Variants in CARMIL1 observed in about 807,000 individuals in gnomAD.
CARMIL1 encodes the protein capping protein regulator and myosin 1 linker 1.
Under a neutral mutation model 177.1 loss-of-function variants are expected in CARMIL1, and 90 were observed. The observed-to-expected ratio is 0.51, with a 90% CI of 0.43 to 0.61. CARMIL1 has a LOEUF of 0.61. CARMIL1 is among the 20% of genes least tolerant of loss of function. CARMIL1 has a pLI of 0.00. For synonymous variants in CARMIL1, 577 were observed against 606.2 expected, an observed-to-expected ratio of 0.95 and a Z score of 0.71; for missense variants, 1,380 against 1,667.0, an observed-to-expected ratio of 0.83 and a Z score of 3.00.
intron 2 of CARMIL1, among the ~76,000 whole-genome samples, chr6:25,287,210 G>T (rs1781580458): frequency 6.6e-6 from 1 of 152,156 alleles, no homozygotes; most frequent in African/African-American, 2.4e-5. Context: ...AAATGAGTTG[G>T]CTGAATATCT....
chr6:25,299,896 TG>T (rs897738464), intron 2 of CARMIL1, among the ~76,000 whole-genome samples: 2 of 150,860 alleles, frequency 1.3e-5, no homozygotes, highest in African/African-American at 4.9e-5. Flanking sequence ...GAGAATTGCT[TG>T]AAACTGGGAG....
intron 2 of CARMIL1, among the ~76,000 whole-genome samples, chr6:25,378,384 TG>T (rs1468018185): frequency 3.3e-5 from 5 of 152,232 alleles, no homozygotes; most frequent in African/African-American, 1.2e-4. Context: ...TGCTCTCTTA[TG>T]GCTGCAGCAC....
intron 29 of CARMIL1, among the ~76,000 whole-genome samples, chr6:25,570,692 G>T (rs1811997581): frequency 6.6e-6 from 1 of 152,170 alleles, no homozygotes; most frequent in African/African-American, 2.4e-5. Flanking sequence ...AAGTGTTTTT[G>T]TTTTAACATC....
intron 17 of CARMIL1, among the ~76,000 whole-genome samples, chr6:25,505,992 T>C (rs1196199496): frequency 5.9e-5 from 9 of 152,184 alleles, no homozygotes; most frequent in Non-Finnish European, 1.3e-4. Context: ...CTACAGTTTA[T>C]TGCAATTCAT....
chr6:25,487,968 C>T (rs1403195472), intron 12 of CARMIL1, among the ~76,000 whole-genome samples: 5 of 152,176 alleles, frequency 3.3e-5, no homozygotes, highest in African/African-American at 1.2e-4. Context: ...CAGATCATCT[C>T]CTCATTCTTT....
chr6:25,332,070 C>T (rs1785678020), intron 2 of CARMIL1, among the ~76,000 whole-genome samples: 1 of 151,928 alleles, frequency 6.6e-6, no homozygotes, highest in Non-Finnish European at 1.5e-5. Context: ...ACTCTGTTGC[C>T]CAGGCTGGCC....
chr6:25,340,622 T>C (rs552102689), intron 2 of CARMIL1, among the ~76,000 whole-genome samples: 1 of 152,176 alleles, frequency 6.6e-6, no homozygotes, highest in East Asian at 1.9e-4. Flanking sequence ...CTTTGAGATA[T>C]ATGCTGTTGG....
At chr6:25,485,060 AT>A (rs1444256434) in intron 12 of CARMIL1, among the ~76,000 whole-genome samples, 6 of 152,160 alleles carry the variant, frequency 3.9e-5, no homozygotes, top group African/African-American at 7.2e-5. Context: ...AAACAAAAAA[AT>A]GATTATATTA....
chr6:25,355,728 T>C (rs949975461), intron 2 of CARMIL1, among the ~76,000 whole-genome samples: 1 of 152,206 alleles, frequency 6.6e-6, no homozygotes, highest in African/African-American at 2.4e-5. Context: ...AATAAATGCC[T>C]GAGAGCTGTT....
At chr6:25,594,107 C>A (rs929127076) in intron 31 of CARMIL1, among the ~76,000 whole-genome samples, 2 of 152,168 alleles carry the variant, frequency 1.3e-5, no homozygotes, top group South Asian at 2.1e-4. Context: ...CCTTACCACA[C>A]GCCTGCAGTG....
At position 25,510,564 on chromosome 6, in the gene CARMIL1, A is replaced by G. The variant is rs764528822; in HGVS notation, c.1535A>G (p.Gln512Arg). The G allele has an allele frequency of 2.8e-5, 43 of 1,557,834 alleles. No homozygotes were observed. The highest frequency in any genetic ancestry group is 3.8e-5 in the Admixed American group (2 of 51,980). The change falls in exon 19 of 37, where the codon CAA becomes CGA. Residue 512 changes from glutamine (Q) to arginine (R), a missense_variant. Transcript: ENST00000329474. ...TGGCTCAGTAAAAACAGATCAATACAACACCTGGCGTTAGGCAAAAATTTT... is the reference window on the plus strand; with the variant it reads ...TGGCTCAGTAAAAACAGATCAATACGACACCTGGCGTTAGGCAAAAATTTT... ...IVWLSKNRSI[Q>R]HLALGKNFNN...
chr6:25,362,337 C>T (rs1789297310), intron 2 of CARMIL1, among the ~76,000 whole-genome samples: 1 of 152,228 alleles, frequency 6.6e-6, no homozygotes, highest in South Asian at 2.1e-4. Context: ...TTTATTGAAT[C>T]CAATTCAGCA....
chr6:25,581,163 T>G lies in CARMIL1; in HGVS notation c.2810-80T>G. The G allele has an allele frequency of 1.3e-5, 19 of 1,410,532 alleles. No individual in the cohort carries two copies. The South Asian group carries it at 2.5e-4, about 18-fold the overall frequency. The allele number at this position is 1,410,532 out of a possible 1,614,324, so 87.4% of individuals were successfully genotyped here. On this transcript the variant is annotated intron_variant, in intron 30 of 36. Transcript: ENST00000329474. ...TATTCTATGCTAGACTTAAAATTACTTTTAGGAATTTTTTATCCATCTCTA... is the reference window on the plus strand; with the variant it reads ...TATTCTATGCTAGACTTAAAATTACGTTTAGGAATTTTTTATCCATCTCTA...
At chr6:25,315,068 T>G (rs1784162165) in intron 2 of CARMIL1, among the ~76,000 whole-genome samples, 1 of 152,226 alleles carries the variant, frequency 6.6e-6, no homozygotes, top group Non-Finnish European at 1.5e-5. Context: ...ATCCTCACAG[T>G]AACTGTGTGA....
At chr6:25,441,858 A>G (rs1373573959) in intron 5 of CARMIL1, among the ~76,000 whole-genome samples, 2 of 151,090 alleles carry the variant, frequency 1.3e-5, no homozygotes, top group Non-Finnish European at 1.5e-5. Context: ...CTTTTCTACT[A>G]TCAAGAACCT....
chr6:25,328,346 C>T (rs577274838), intron 2 of CARMIL1, among the ~76,000 whole-genome samples: 5 of 147,962 alleles, frequency 3.4e-5, no homozygotes, highest in Non-Finnish European at 7.4e-5. Flanking sequence ...CAGGAAGACT[C>T]TGTACATGCT....
chr6:25,338,094 C>T (rs2690081), intron 2 of CARMIL1, among the ~76,000 whole-genome samples: 64,947 of 151,564 alleles, frequency 0.43, 14,126 homozygotes, highest in African/African-American at 0.51. Context: ...CCGTCTCTAC[C>T]GAAAATACAA....
intron 17 of CARMIL1, among the ~76,000 whole-genome samples, chr6:25,508,742 T>C (rs1041491729): frequency 3.3e-5 from 5 of 151,452 alleles, no homozygotes; most frequent in Non-Finnish European, 7.4e-5. Context: ...TGGTTTATAG[T>C]AGGTTTCCAA....
At chr6:25,519,829 G>A (rs926016010) in intron 22 of CARMIL1, among the ~76,000 whole-genome samples, 2 of 152,158 alleles carry the variant, frequency 1.3e-5, no homozygotes, top group Non-Finnish European at 2.9e-5. Flanking sequence ...GGGGCTGGTT[G>A]TCACACATAA....
Sources: allele counts gnomAD v4.1 joint callset (sites outside exome capture counted in the v4.1 genomes callset), GRCh38; gene constraint gnomAD v4.1.1; transcripts MANE v1.5; gene names NCBI Gene and HGNC (gene_info 2026-07-23, HGNC 2026-07-21).